GREB1: variants seen among roughly 807,000 people sequenced by gnomAD.
GREB1 encodes the protein protein GREB1.
In GREB1, 106 loss-of-function variants were observed where a neutral mutation model predicts 200.7. The ratio of observed to expected loss-of-function variants is 0.53; its 90% CI spans 0.45 to 0.62. The LOEUF (loss-of-function observed/expected upper bound fraction) is 0.62. Among genes scored for constraint, GREB1 ranks in the 20% least tolerant of loss-of-function variants. The probability of loss-of-function intolerance (pLI) is 0.00; values close to 1 mark genes in which losing one functional copy is unlikely to be tolerated. For missense variants in GREB1, 2,243 were observed against 2,556.8 expected, an observed-to-expected ratio of 0.88 and a Z score of 2.65; for synonymous variants, 1,132 against 1,092.4, an observed-to-expected ratio of 1.04 and a Z score of -0.72.
In GREB1 at chr2:11,633,536, C is replaced by T. The variant is rs1685058902; in HGVS notation, c.4991+473C>T. 6.6e-6 allele frequency among the ~76,000 whole-genome samples: 1 copy of T among 150,506 alleles called. No homozygotes were observed. The highest frequency in any genetic ancestry group is 6.6e-5 in the Admixed American group (1 of 15,130). On this transcript the variant is annotated intron_variant, in intron 28 of 32. Coordinates refer to ENST00000381486, the MANE Select transcript of GREB1 (RefSeq NM_014668.4). This position sits in a 1 kb window ranked among gnomAD's most constrained non-coding sequence, Gnocchi z 4.1. ...TGGAGATGGCGCCACTGCACTCCAGCCTGGCAGACAGAGCGAGACTCCGTC... is the reference window on the plus strand; with the variant it reads ...TGGAGATGGCGCCACTGCACTCCAGTCTGGCAGACAGAGCGAGACTCCGTC...
chr2:11,610,568 C>A, intron 17 of GREB1, 120 bp from the exon 18 acceptor site: 1 of 722,574 alleles, frequency 1.4e-6, no homozygotes, highest in Non-Finnish European at 2.3e-6. Context: ...CCAGAGGCAA[C>A]ACAACTGCGT....
upstream of GREB1, among the ~76,000 whole-genome samples, chr2:11,533,435 CAG>C (rs1444155579): frequency 6.6e-6 from 1 of 152,198 alleles, no homozygotes; most frequent in African/African-American, 2.4e-5. Context: ...AACTGGAGCT[CAG>C]GGAGTGAGGG....
At chr2:11,590,535 C>T (rs1680626226) in intron 10 of GREB1, among the ~76,000 whole-genome samples, 1 of 152,154 alleles carries the variant, frequency 6.6e-6, no homozygotes, top group South Asian at 2.1e-4. Context: ...GGCTTGCTCC[C>T]TTATGTCCTT....
intron 5 of GREB1, among the ~76,000 whole-genome samples, chr2:11,577,734 C>T (rs1217477617): frequency 6.6e-6 from 1 of 152,218 alleles, no homozygotes; most frequent in Non-Finnish European, 1.5e-5. Flanking sequence ...ACGCCCCCCT[C>T]ACACCCGACT....
intron 1 of GREB1, among the ~76,000 whole-genome samples, chr2:11,550,473 C>T (rs547951694): frequency 9.9e-5 from 15 of 152,172 alleles, no homozygotes; most frequent in Non-Finnish European, 2.1e-4. Context: ...TCCAAGAGTC[C>T]AGATTCTCTT....
At chr2:11,613,491 T>G (rs1261990904) in intron 19 of GREB1, among the ~76,000 whole-genome samples, 4 of 152,194 alleles carry the variant, frequency 2.6e-5, no homozygotes, top group African/African-American at 4.8e-5. Flanking sequence ...ATGAAGAAAC[T>G]GAGGCTTACT....
At chr2:11,595,473 C>A in intron 12 of GREB1, 94 bp downstream of exon 12, 2 of 1,313,674 alleles carry the variant, frequency 1.5e-6, no homozygotes, top group African/African-American at 1.4e-5. Flanking sequence ...TGCCTGTGAC[C>A]TGCTAAGGCT....
At position 11,578,406 on chromosome 2, in the gene GREB1, C is replaced by A; in HGVS notation, c.747C>A (p.Ser249Arg). ...PSEPVPGTNPSILMGAQQAGP... is the reference protein window; with the variant it reads ...PSEPVPGTNPRILMGAQQAGP... Reference sequence around the variant, plus strand: ...AGCCCGTTCCTGGGACGAACCCCAGCATCCTGATGGGAGCTCAGCAGGCAG... The same window carrying A: ...AGCCCGTTCCTGGGACGAACCCCAGAATCCTGATGGGAGCTCAGCAGGCAG... Residue 249 changes from serine to arginine, a missense_variant, in exon 6 of 33, where the codon AGC (serine) becomes AGA (arginine). Transcript: ENST00000381486. 1 of 1,613,990 alleles carries A rather than the reference C, an allele frequency of 6.2e-7. No individual in the cohort carries two copies. The highest frequency in any genetic ancestry group is 8.5e-7 in the Non-Finnish European group (1 of 1,180,030).
intron 8 of GREB1, among the ~76,000 whole-genome samples, 177 bp from the exon 9 acceptor site, chr2:11,585,585 C>T (rs565867569): frequency 2.6e-5 from 4 of 152,262 alleles, no homozygotes; most frequent in Admixed American, 1.3e-4. Flanking sequence ...GAAGGATGGG[C>T]GGAATGAACT....
At position 11,592,987 on chromosome 2, in the gene GREB1, C is replaced by G. The variant is rs1403581473; in HGVS notation, c.1557C>G (p.Ile519Met). 6.2e-7 allele frequency: 1 copy of G among 1,608,480 alleles called. No individual in the cohort carries two copies. Among genetic ancestry groups the G allele is most frequent in the Non-Finnish European group, 8.5e-7 (1 of 1,177,452 alleles). ...CCTGCAACGACAGCGTGCACGTCAT[C>G]GAGTGTGCTTACTCCCTGGCCGAGG... ...ASSCNDSVHV[I>M]ECAYSLAEGL... The change falls in exon 11 of 33, where the codon ATC (isoleucine) becomes ATG (methionine). Residue 519 changes from isoleucine (I) to methionine (M), a missense_variant. Around this residue, in one of 3 missense-constraint regions of GREB1, gnomAD observed 1,178 missense variants for 1,387.4 expected, o/e 0.85. Transcript: ENST00000381486.
intron 1 of GREB1, among the ~76,000 whole-genome samples, chr2:11,510,712 G>A (rs1243218524): frequency 2.8e-5 from 4 of 143,178 alleles, no homozygotes; most frequent in Non-Finnish European, 3.0e-5. Context: ...TTTTTGAGAC[G>A]GAGTCTTACT....
At chr2:11,587,800 G>C (rs1194837794) in intron 9 of GREB1, 1 of 1,082,024 alleles carries the variant, frequency 9.2e-7, no homozygotes, top group African/African-American at 1.6e-5. Flanking sequence ...CGCTTCACCT[G>C]GTTTTACAAA....
intron 22 of GREB1, 74 bp downstream of exon 22, chr2:11,618,993 T>C: frequency 1.5e-6 from 2 of 1,333,572 alleles, no homozygotes; most frequent in Non-Finnish European, 2.0e-6. Flanking sequence ...AGGGCAGGCC[T>C]GGGGGTGACC....
Position 11,518,338 on chromosome 2 carries a change from G to A in GREB1, c.-159+35957G>A, listed in dbSNP as rs142971565. 5.5e-3 allele frequency among the ~76,000 whole-genome samples: 831 copies of A among 152,254 alleles called. 1 individual carries two copies. The highest frequency in any genetic ancestry group is 8.9e-3 in the Non-Finnish European group (605 of 68,026). On this transcript the variant is annotated intron_variant, in intron 1 of 2. Transcript: ENST00000628795. ...GTCATGCTCATTTAAAGGTATTTTG[G>A]GCTGTTTGGGTAAGGTGACTGTGTT... is the stretch of plus-strand genomic sequence containing the variant.
chr2:11,547,226 A>G (rs890982180), intron 1 of GREB1, among the ~76,000 whole-genome samples: 22 of 152,232 alleles, frequency 1.4e-4, no homozygotes, highest in Non-Finnish European at 3.1e-4. Flanking sequence ...TACAGGCATG[A>G]GCCACCGTGC....
rs1449870059 is a variant in GREB1 at position 11,638,792 on chromosome 2, A to C, written c.5669A>C (p.Lys1890Thr). The change falls in exon 32 of 33, where the codon AAG becomes ACG. Residue 1890 changes from lysine to threonine, a missense_variant. By Grantham distance (78) the Lys-to-Thr change is moderately conservative. Around this residue, in one of 3 missense-constraint regions of GREB1, gnomAD observed 478 missense variants for 616.3 expected, o/e 0.78. Coordinates refer to ENST00000381486, the MANE Select transcript of GREB1 (RefSeq NM_014668.4). ...DSFVGASFLK[K>T]FHFLKGATLC... ...TTTGTGGGAGCTAGCTTTTTGAAAA[A>C]GTTTCATTTTCTGAAAGGTAACTTT... 1 of 1,614,002 alleles carries C rather than the reference A, an allele frequency of 6.2e-7. No individual in the cohort carries two copies.
intron 1 of GREB1, among the ~76,000 whole-genome samples, chr2:11,508,083 G>T (rs1673233524): frequency 6.6e-6 from 1 of 152,148 alleles, no homozygotes; most frequent in African/African-American, 2.4e-5. Context: ...TTCGCCTATG[G>T]TAGAGGTTTG....
chr2:11,533,507 A>G (rs1180157585), upstream of GREB1, among the ~76,000 whole-genome samples: 1 of 152,214 alleles, frequency 6.6e-6, no homozygotes, highest in Non-Finnish European at 1.5e-5. Flanking sequence ...ACCCAGGCAC[A>G]CCCAGCTCCA....
At position 11,580,561 on chromosome 2, in the gene GREB1, CTG is replaced by C; in HGVS notation, c.773-141_773-140del. On this transcript the variant is annotated intron_variant, in intron 6 of 32. Coordinates refer to ENST00000381486, the MANE Select transcript of GREB1 (RefSeq NM_014668.4). The surrounding 1 kb of genome is among the most constrained non-coding windows in gnomAD (Gnocchi z 4.5). The stretch of plus-strand genomic sequence containing the variant: ...GTATCTTCTCAGTGTAGCAGAATCA[CTG>C]TTGGGCATTCTGACCTCCTGATGAG... The C allele has an allele frequency of 1.2e-6, 1 of 856,454 alleles. No individual in the cohort carries two copies. The highest frequency in any genetic ancestry group is 1.8e-6 in the Non-Finnish European group (1 of 542,098). 53.1% of individuals were successfully genotyped at this position (856,454 alleles called of 1,614,324 possible).
Sources: allele counts gnomAD v4.1 joint callset (sites outside exome capture counted in the v4.1 genomes callset), GRCh38; gene constraint gnomAD v4.1.1; regional missense constraint gnomAD v4.1.1; non-coding constraint Gnocchi (gnomAD v3.1); transcripts MANE v1.5; gene names NCBI Gene and HGNC (gene_info 2026-07-23, HGNC 2026-07-21).